Variants in WAC observed in about 807,000 individuals in gnomAD.
The protein encoded by WAC is WW domain containing adaptor with coiled-coil, also known as WW domain-containing adapter protein with coiled-coil.
WAC carries 11 observed loss-of-function variants against 79.6 expected under a neutral mutation model. The ratio of observed to expected loss-of-function variants is 0.14; its 90% CI spans 0.09 to 0.23. The LOEUF is 0.23. WAC is among the 10% of genes least tolerant of loss of function. The pLI, the probability that WAC is intolerant of heterozygous loss-of-function variation, is 1.00. For synonymous variants in WAC, 304 were observed against 276.9 expected (o/e 1.10, Z -0.97); for missense variants, 728 against 773.5 (o/e 0.94, Z 0.70).
At chr10:28,542,028 G>C (rs1364825262) in intron 3 of WAC, among the ~76,000 whole-genome samples, 1 of 152,126 alleles carries the variant, frequency 6.6e-6, no homozygotes, top group Non-Finnish European at 1.5e-5. Flanking sequence ...GTGTAATCTG[G>C]TGTCTGGGTA....
At chr10:28,595,700 C>A in intron 6 of WAC, 33 bp from the exon 7 acceptor site, 2 of 1,593,058 alleles carry the variant, frequency 1.3e-6, no homozygotes, top group South Asian at 1.1e-5. Flanking sequence ...TTCTGTCATT[C>A]CAACATCTGT....
intron 3 of WAC, among the ~76,000 whole-genome samples, chr10:28,572,053 T>A (rs1226684502): frequency 2.0e-5 from 3 of 152,166 alleles, no homozygotes; most frequent in African/African-American, 7.2e-5. Context: ...TAAAAGCAGC[T>A]GTTGTCCAGG....
Position 28,533,985 on chromosome 10 carries a change from T to TC in WAC, c.42-11dup, listed in dbSNP as rs1242732903. 1 of 1,606,024 alleles carries TC rather than the reference T, an allele frequency of 6.2e-7. No homozygotes were observed. The highest frequency in any genetic ancestry group is 1.4e-5 in the African/African-American group (1 of 73,618). Reference sequence around the variant, plus strand: ...CGTGTCTTATGTCGCTGCCTTCTCTTCCTGTTTTTCAGCTGTCACGACCGG... The same window carrying TC: ...CGTGTCTTATGTCGCTGCCTTCTCTTCCCTGTTTTTCAGCTGTCACGACCGG... On this transcript the variant is annotated splice_polypyrimidine_tract_variant and intron_variant, in intron 1 of 13. Transcript: ENST00000354911.
At chr10:28,597,841 C>G (rs932326083) in intron 7 of WAC, among the ~76,000 whole-genome samples, 3 of 152,202 alleles carry the variant, frequency 2.0e-5, no homozygotes, top group Non-Finnish European at 2.9e-5. Flanking sequence ...ATCTTGGGCT[C>G]TTTCTCCTAG....
At chr10:28,608,804 A>G (rs1254246926) in intron 8 of WAC, among the ~76,000 whole-genome samples, 1 of 152,074 alleles carries the variant, frequency 6.6e-6, no homozygotes, top group Non-Finnish European at 1.5e-5. Flanking sequence ...AAACCTGTAT[A>G]AATAATTACT....
intron 3 of WAC, among the ~76,000 whole-genome samples, chr10:28,582,937 TCAAGACTATTAAAAGG>T (rs1322669411): frequency 6.6e-6 from 1 of 152,150 alleles, no homozygotes; most frequent in Non-Finnish European, 1.5e-5. Context: ...TGAAAAATCG[TCAAGACTATTAAAAGG>T]CAAATAGGGG....
chr10:28,572,798 C>G (rs377100333), intron 3 of WAC, among the ~76,000 whole-genome samples: 5 of 152,024 alleles, frequency 3.3e-5, no homozygotes, highest in African/African-American at 1.2e-4. Flanking sequence ...GCGATGAGAG[C>G]GAAACTCAGT....
chr10:28,596,437 T>C (rs780520184), intron 7 of WAC, among the ~76,000 whole-genome samples: 44 of 152,340 alleles, frequency 2.9e-4, no homozygotes, highest in Non-Finnish European at 5.9e-4. Flanking sequence ...CTAATGTCTG[T>C]ATAACATTTC....
At chr10:28,592,450 C>T (rs535177674) in intron 6 of WAC, among the ~76,000 whole-genome samples, 5 of 151,998 alleles carry the variant, frequency 3.3e-5, no homozygotes, top group African/African-American at 9.7e-5. Flanking sequence ...GGTGAAACCC[C>T]GTCTCTACTA....
At chr10:28,590,384 A>G (rs1840025717) in intron 5 of WAC, among the ~76,000 whole-genome samples, 3 of 151,660 alleles carry the variant, frequency 2.0e-5, no homozygotes, top group Non-Finnish European at 4.4e-5. Context: ...AATAGTCAGT[A>G]TAGTTAATAA....
chr10:28,571,932 T>C (rs1838995351), intron 3 of WAC, among the ~76,000 whole-genome samples: 1 of 152,252 alleles, frequency 6.6e-6, no homozygotes, highest in South Asian at 2.1e-4. Flanking sequence ...TAAAACTTAC[T>C]GTTTTACACT....
In WAC at chr10:28,533,554, G is replaced by C; in HGVS notation, c.-26G>C. ...TTCGCGGCCGCTCTCCCCCCTCCCCGACACACACTCACAGGCCGGGCATTG... is the reference window on the plus strand; with the variant it reads ...TTCGCGGCCGCTCTCCCCCCTCCCCCACACACACTCACAGGCCGGGCATTG... On this transcript the variant is annotated 5_prime_UTR_variant, in exon 1 of 14. Coordinates refer to ENST00000354911, the MANE Select transcript of WAC (RefSeq NM_016628.5). The C allele has an allele frequency of 5.2e-6, 7 of 1,355,562 alleles. No individual in the cohort carries two copies. The highest frequency in any genetic ancestry group is 8.6e-5 in the East Asian group (2 of 23,382). 84.0% of individuals were successfully genotyped at this position (1,355,562 alleles called of 1,614,324 possible).
At chr10:28,569,666 G>T (rs893523947) in intron 3 of WAC, among the ~76,000 whole-genome samples, 2 of 152,176 alleles carry the variant, frequency 1.3e-5, no homozygotes, top group African/African-American at 4.8e-5. Flanking sequence ...AGCTGTGGCT[G>T]GGCAAGGAGG....
intron 3 of WAC, among the ~76,000 whole-genome samples, chr10:28,569,543 C>G (rs898990934): frequency 6.6e-6 from 1 of 152,168 alleles, no homozygotes; most frequent in African/African-American, 2.4e-5. Context: ...CGGCATTTTG[C>G]AGTTGATTAC....
intron 10 of WAC, among the ~76,000 whole-genome samples, chr10:28,612,714 T>C (rs555569674): frequency 1.1e-4 from 17 of 152,340 alleles, no homozygotes; most frequent in Admixed American, 8.5e-4. Context: ...ATCCCTTCCC[T>C]ACCTTGGCCA....
chr10:28,577,751 T>G (rs1839319206), intron 3 of WAC, among the ~76,000 whole-genome samples: 1 of 152,174 alleles, frequency 6.6e-6, no homozygotes, highest in Middle Eastern at 3.2e-3. Flanking sequence ...TTGCCATCTT[T>G]TCAGGGGAGA....
At chr10:28,556,659 C>T (rs1838014642) in intron 3 of WAC, among the ~76,000 whole-genome samples, 1 of 151,548 alleles carries the variant, frequency 6.6e-6, no homozygotes, top group Non-Finnish European at 1.5e-5. Context: ...CTGTTTTGTC[C>T]CCTATGTTTT....
intron 6 of WAC, among the ~76,000 whole-genome samples, chr10:28,594,044 A>G (rs939858842): frequency 1.3e-5 from 2 of 152,166 alleles, no homozygotes; most frequent in African/African-American, 4.8e-5. Flanking sequence ...AGTCAGGACA[A>G]GCAAAGCACC....
chr10:28,622,611 T>TAA lies in WAC; in HGVS notation c.*3009_*3010dup, dbSNP rs1457166224. 1.3e-5 allele frequency: 2 copies of TAA among 152,164 alleles called. No individual in the cohort carries two copies. The highest frequency in any genetic ancestry group is 4.8e-5 in the African/African-American group (2 of 41,442). 9.4% of individuals were successfully genotyped at this position (152,164 alleles called of 1,614,324 possible). A position where few individuals can be genotyped will look rare whatever the true frequency, so the allele number is the denominator to read the frequency against. ...TTTTAAAATGACTGCAATTCCAGAC[T>TAA]AAAAACATGCTTCAGCCCTGTTTCA... is the stretch of plus-strand genomic sequence containing the variant. On this transcript the variant is annotated 3_prime_UTR_variant, in exon 14 of 14. Transcript: ENST00000354911.
Sources: allele counts gnomAD v4.1 joint callset (sites outside exome capture counted in the v4.1 genomes callset), GRCh38; gene constraint gnomAD v4.1.1; transcripts MANE v1.5; gene names NCBI Gene and HGNC (gene_info 2026-07-23, HGNC 2026-07-21).